Variants in RGL1 observed in about 807,000 individuals in gnomAD.
The protein encoded by RGL1 is ral guanine nucleotide dissociation stimulator-like 1.
In RGL1, 24 loss-of-function variants were observed where a neutral mutation model predicts 95.2. That is an observed-to-expected ratio of 0.25 (90% CI 0.18 to 0.35). RGL1 has a LOEUF of 0.35. Ranked by LOEUF, RGL1 falls within the 10% of genes least tolerant of loss-of-function variation. The pLI is 1.00. For synonymous variants in RGL1, 329 were observed against 344.9 expected (o/e 0.95, Z 0.51); for missense variants, 715 against 936.3 (o/e 0.76, Z 3.08).
At chr1:183,808,361 C>G (rs548190826) in intron 2 of RGL1, among the ~76,000 whole-genome samples, 1 of 152,294 alleles carries the variant, frequency 6.6e-6, no homozygotes, top group South Asian at 2.1e-4. Context: ...AAGATTGGCT[C>G]TAGTTGATGG....
intron 1 of RGL1, among the ~76,000 whole-genome samples, chr1:183,651,087 A>G (rs946226224): frequency 1.3e-5 from 2 of 152,148 alleles, no homozygotes; most frequent in African/African-American, 4.8e-5. Context: ...AATTATGCCA[A>G]TGTTATTTTA....
At chr1:183,893,547 A>G (rs915184121) in intron 9 of RGL1, among the ~76,000 whole-genome samples, 8 of 152,220 alleles carry the variant, frequency 5.3e-5, no homozygotes, top group Non-Finnish European at 1.0e-4. Context: ...AAAATCAGGT[A>G]GAGGTGGGGT....
At chr1:183,715,719 T>C (rs1379235294) in intron 1 of RGL1, among the ~76,000 whole-genome samples, 1 of 149,102 alleles carries the variant, frequency 6.7e-6, no homozygotes, top group East Asian at 2.0e-4. Context: ...TGGAGACCTA[T>C]ATCTATATCT....
chr1:183,695,637 A>G (rs913795692), intron 1 of RGL1, among the ~76,000 whole-genome samples: 3 of 152,250 alleles, frequency 2.0e-5, no homozygotes, highest in African/African-American at 7.2e-5. Flanking sequence ...AGATTGTGTC[A>G]GTGATTTTTA....
At chr1:183,720,360 C>A (rs1655948759) in intron 1 of RGL1, among the ~76,000 whole-genome samples, 1 of 152,222 alleles carries the variant, frequency 6.6e-6, no homozygotes, top group African/African-American at 2.4e-5. Context: ...AGCATGCATG[C>A]CCTGAAGTGA....
intron 9 of RGL1, among the ~76,000 whole-genome samples, chr1:183,896,736 C>T (rs574524374): frequency 4.6e-5 from 7 of 152,240 alleles, no homozygotes; most frequent in Non-Finnish European, 7.4e-5. Flanking sequence ...ACCCCAAAAC[C>T]GCAAAAGCAC....
chr1:183,926,202 A>G lies in RGL1; in HGVS notation c.2217A>G (p.Gln739=). The G allele has an allele frequency of 6.2e-7, 1 of 1,614,112 alleles. No homozygotes were observed. Among genetic ancestry groups the G allele is most frequent in the Non-Finnish European group, 8.5e-7 (1 of 1,179,984 alleles). Residue 739 remains glutamine, a synonymous_variant, in exon 18 of 18, where the codon CAA becomes CAG. Transcript: ENST00000360851. ...ILRKKNSMEE[Q]VKLRSRTSLT... ...GCAAAAAGAACTCCATGGAAGAACA[A>G]GTGAAACTGCGTAGCCGGACCAGCT...
chr1:183,674,467 A>T (rs558424293), intron 1 of RGL1, among the ~76,000 whole-genome samples: 3 of 152,230 alleles, frequency 2.0e-5, no homozygotes, highest in African/African-American at 4.8e-5. Flanking sequence ...TGGCTCTTGT[A>T]GTCCATGCAA....
At chr1:183,739,662 T>C (rs982323274) in intron 1 of RGL1, among the ~76,000 whole-genome samples, 16 of 152,226 alleles carry the variant, frequency 1.1e-4, no homozygotes, top group African/African-American at 3.6e-4. Context: ...AAGTCTCAGA[T>C]AGGGTGGAGG....
At chr1:183,680,968 G>T (rs1206175847) in intron 1 of RGL1, among the ~76,000 whole-genome samples, 1 of 151,860 alleles carries the variant, frequency 6.6e-6, no homozygotes, top group Non-Finnish European at 1.5e-5. Context: ...CTCATGATTT[G>T]GCTCTTTGCC....
intron 1 of RGL1, among the ~76,000 whole-genome samples, chr1:183,659,148 G>A (rs6688731): frequency 0.068 from 10,407 of 152,108 alleles, 604 homozygotes; most frequent in African/African-American, 0.16. Flanking sequence ...AAAGCAGAGC[G>A]CCTCTCCTCC....
At chr1:183,884,010 GTCT>G (rs1371978479) in intron 6 of RGL1, 100 bp downstream of exon 6, 4 of 1,292,614 alleles carry the variant, frequency 3.1e-6, no homozygotes, top group South Asian at 2.6e-5. Flanking sequence ...GTGATTTTAA[GTCT>G]TCTTGAATCC....
intron 2 of RGL1, among the ~76,000 whole-genome samples, chr1:183,798,125 G>A (rs1660791418): frequency 6.6e-6 from 1 of 152,158 alleles, no homozygotes; most frequent in African/African-American, 2.4e-5. Flanking sequence ...GTGCTCAGTA[G>A]TACTAAGGTG....
At chr1:183,835,154 T>C (rs1396582333) in intron 2 of RGL1, among the ~76,000 whole-genome samples, 1 of 152,228 alleles carries the variant, frequency 6.6e-6, no homozygotes, top group Non-Finnish European at 1.5e-5. Context: ...GCTTTCTTGG[T>C]TTCTGTTCAT....
At chr1:183,872,125 C>G (rs184157676) in intron 4 of RGL1, among the ~76,000 whole-genome samples, 1 of 152,122 alleles carries the variant, frequency 6.6e-6, no homozygotes, top group Non-Finnish European at 1.5e-5. Context: ...CATTTTTACA[C>G]GATAAAATGC....
At chr1:183,716,529 G>A (rs1655633339) in intron 1 of RGL1, among the ~76,000 whole-genome samples, 1 of 152,210 alleles carries the variant, frequency 6.6e-6, no homozygotes, top group African/African-American at 2.4e-5. Context: ...TGCCACATGG[G>A]AGGATTTTAT....
intron 3 of RGL1, among the ~76,000 whole-genome samples, chr1:183,858,273 A>G (rs1665287063): frequency 6.6e-6 from 1 of 152,224 alleles, no homozygotes; most frequent in African/African-American, 2.4e-5. Flanking sequence ...GTGATTGATC[A>G]CAAACCCCTG....
At chr1:183,786,454 C>T (rs1005558714) in intron 2 of RGL1, among the ~76,000 whole-genome samples, 25 of 152,240 alleles carry the variant, frequency 1.6e-4, no homozygotes, top group African/African-American at 5.8e-4. Context: ...TTTCAGATTT[C>T]AGATTTTTAA....
At chr1:183,666,172 A>G (rs913070889) in intron 1 of RGL1, among the ~76,000 whole-genome samples, 1 of 151,474 alleles carries the variant, frequency 6.6e-6, no homozygotes, top group African/African-American at 2.4e-5. Flanking sequence ...CACTCGGCTA[A>G]TTTTGTATTT....
Sources: allele counts gnomAD v4.1 joint callset (sites outside exome capture counted in the v4.1 genomes callset), GRCh38; gene constraint gnomAD v4.1.1; transcripts MANE v1.5; gene names NCBI Gene and HGNC (gene_info 2026-07-23, HGNC 2026-07-21).